UBR4: variants seen among roughly 807,000 people sequenced by gnomAD.
UBR4 encodes ubiquitin protein ligase E3 component n-recognin 4, also known as E3 ubiquitin-protein ligase UBR4.
In UBR4, 124 loss-of-function variants were observed where a neutral mutation model predicts 575.6. The observed-to-expected ratio is 0.22, with a 90% CI of 0.19 to 0.25. UBR4 has a LOEUF of 0.25. UBR4 is among the 10% of genes least tolerant of loss of function. UBR4 has a pLI of 1.00. For missense variants in UBR4, 4,818 were observed against 6,478.8 expected, an observed-to-expected ratio of 0.74 and a Z score of 8.80; for synonymous variants, 2,455 against 2,473.7, an observed-to-expected ratio of 0.99 and a Z score of 0.22.
At chr1:19,190,312 A>AAAAAAATATATATATATATATAT in intron 11 of UBR4, among the ~76,000 whole-genome samples, 12 of 79,908 alleles carry the variant, frequency 1.5e-4, no homozygotes, top group African/African-American at 5.9e-4. Context: ...AAAAAAAAAA[A>AAAAAAATATATATATATATATAT]ATATATATAT....
intron 13 of UBR4, 35 bp from the exon 14 acceptor site, chr1:19,186,692 C>T (rs1479751188): frequency 6.3e-7 from 1 of 1,596,484 alleles, no homozygotes; most frequent in Non-Finnish European, 8.6e-7. Flanking sequence ...CGGAGCCATC[C>T]TATTTAATCT....
At chr1:19,165,563 G>T in intron 30 of UBR4, 93 bp downstream of exon 30, 1 of 1,347,982 alleles carries the variant, frequency 7.4e-7, no homozygotes, top group Non-Finnish European at 1.0e-6. Context: ...CTTAAATATT[G>T]CTGATAATAA....
intron 103 of UBR4, chr1:19,078,338 G>A (rs1274864968): frequency 1.4e-5 from 5 of 361,344 alleles, no homozygotes; most frequent in African/African-American, 8.3e-5. Flanking sequence ...GGAACCGGGG[G>A]AGACATCGCC....
chr1:19,181,866 T>A (rs529391267), intron 17 of UBR4, among the ~76,000 whole-genome samples: 2 of 152,324 alleles, frequency 1.3e-5, no homozygotes, highest in Middle Eastern at 6.8e-3. Context: ...ATTAAGCACA[T>A]ACACATTATT....
rs1456092590 is a variant in UBR4, at chr1:19,173,537, G to A, written c.3067C>T (p.Leu1023=). ...CTCATCTCAGGTGAGTTCATGGATA[G>A]CTGGTTAATGTAAGTCTTTGATGGT... ...LPPSKTYINQ[L]SMNSPEMSEC... is the part of the protein sequence containing the mutation. The change falls in exon 23 of 106, where the codon CTA becomes TTA. Residue 1023 remains leucine, a synonymous_variant. Transcript: ENST00000375254. The A allele has an allele frequency of 1.2e-6, 2 of 1,614,144 alleles. No homozygotes were observed.
chr1:19,092,288 A>G (rs1410824268), intron 97 of UBR4, among the ~76,000 whole-genome samples: 2 of 152,106 alleles, frequency 1.3e-5, no homozygotes, highest in Non-Finnish European at 2.9e-5. Context: ...ATTGTTTCTT[A>G]ACAACTGCAT....
Position 19,153,224 on chromosome 1 carries a change from C to A in UBR4, c.6832+77G>T. 3 of 1,458,628 alleles carry A rather than the reference C, an allele frequency of 2.1e-6. No homozygotes were observed. Among genetic ancestry groups the A allele is most frequent in the Non-Finnish European group, 1.9e-6 (2 of 1,049,548 alleles). The allele number at this position is 1,458,628 out of a possible 1,614,324, so 90.4% of individuals were successfully genotyped here. On this transcript the variant is annotated intron_variant, in intron 46 of 105. Transcript: ENST00000375254. This position sits in a 1 kb window ranked among gnomAD's most constrained non-coding sequence, Gnocchi z 4.1. ...AGTCACATTTCTTCACAGATATTTT[C>A]AACAGTCTATTCTGAGTCACTGTCT...
intron 52 of UBR4, among the ~76,000 whole-genome samples, chr1:19,146,625 A>G (rs560700081): frequency 6.6e-6 from 1 of 152,388 alleles, no homozygotes; most frequent in Non-Finnish European, 1.5e-5. Flanking sequence ...GATAATCGAA[A>G]GTATAAGCAC....
chr1:19,187,509 A>G lies in UBR4; in HGVS notation c.1426T>C (p.Leu476=), dbSNP rs780386240. 1.1e-5 allele frequency: 17 copies of G among 1,613,738 alleles called. No homozygotes were observed. Among genetic ancestry groups the G allele is most frequent in the Admixed American group, 3.3e-5 (2 of 60,004 alleles). Residue 476 remains leucine, a synonymous_variant, in exon 12 of 106, where the codon TTG becomes CTG. Coordinates refer to ENST00000375254, the MANE Select transcript of UBR4 (RefSeq NM_020765.3). ...AGCAGTTTGATGGCATGGTTTGCCA[A>G]TATTACTGAGAGTACCCCAAATCCC... The part of the protein sequence containing the change: ...HQGFGVLSVI[L]ANHAIKLLTS...
At position 19,152,264 on chromosome 1, in the gene UBR4, T is replaced by C; in HGVS notation, c.6996+49A>G. On this transcript the variant is annotated intron_variant, in intron 47 of 105. Coordinates refer to ENST00000375254, the MANE Select transcript of UBR4 (RefSeq NM_020765.3). The surrounding 1 kb of genome is among the most constrained non-coding windows in gnomAD (Gnocchi z 4.4). Reference sequence around the variant, plus strand: ...GGAGATGTGTTCTCAAACCATATTGTTTGAGTCCTTCTACCCAGGGATTGA... The same window carrying C: ...GGAGATGTGTTCTCAAACCATATTGCTTGAGTCCTTCTACCCAGGGATTGA... 1 of 1,606,554 alleles carries C rather than the reference T, an allele frequency of 6.2e-7. No homozygotes were observed. The highest frequency in any genetic ancestry group is 8.5e-7 in the Non-Finnish European group (1 of 1,174,288).
rs1016288687 is a variant in UBR4, at chr1:19,163,898, T to C, written c.4701-71A>G. The C allele has an allele frequency of 5.9e-5, 88 of 1,497,024 alleles. No individual in the cohort carries two copies. In the Admixed American group the frequency reaches 1.5e-3, roughly 25 times the overall value. The allele number at this position is 1,497,024 out of a possible 1,614,324, so 92.7% of individuals were successfully genotyped here. A position where few individuals can be genotyped will look rare whatever the true frequency, so the allele number is the denominator to read the frequency against. On this transcript the variant is annotated intron_variant, in intron 33 of 105. Transcript: ENST00000375254. The stretch of plus-strand genomic sequence containing the variant: ...TCGAAGAAACCAACGAAATGAGGCA[T>C]CTTCATTAACTTTGAATCAATCTGA...
In UBR4 at chr1:19,074,546, A is replaced by C. The variant is rs2075742526; in HGVS notation, c.*286T>G. On this transcript the variant is annotated 3_prime_UTR_variant, in exon 106 of 106. Coordinates refer to ENST00000375254, the MANE Select transcript of UBR4 (RefSeq NM_020765.3). ...TGTTAAGTCACTTGTTTATTTCTCA[A>C]GATGTGCACACTCAAGTATGAAGCT... 2.1e-6 allele frequency: 1 copy of C among 467,302 alleles called. No individual in the cohort carries two copies. Among genetic ancestry groups the C allele is most frequent in the African/African-American group, 1.9e-5 (1 of 51,392 alleles). The allele number at this position is 467,302 out of a possible 1,614,324, so 28.9% of individuals were successfully genotyped here.
chr1:19,103,462 G>A (rs2078865587), intron 87 of UBR4, among the ~76,000 whole-genome samples: 1 of 152,170 alleles, frequency 6.6e-6, no homozygotes, highest in Admixed American at 6.5e-5. Flanking sequence ...TACTCAGTAA[G>A]GCTGAGGCAG....
intron 9 of UBR4, 75 bp downstream of exon 9, chr1:19,193,358 T>C (rs1170714579): frequency 3.2e-6 from 5 of 1,563,738 alleles, no homozygotes; most frequent in Non-Finnish European, 4.3e-6. Context: ...TCTTCTATCA[T>C]GGAAGAAAGT....
chr1:19,123,539 T>C (rs923786510), intron 65 of UBR4, among the ~76,000 whole-genome samples: 1 of 150,296 alleles, frequency 6.7e-6, no homozygotes, highest in African/African-American at 2.5e-5. Flanking sequence ...AACTTAAATA[T>C]CCTTTAATGA....
In UBR4 at chr1:19,177,517, T is replaced by A; in HGVS notation, c.2581A>T (p.Ile861Phe). Residue 861 changes from isoleucine to phenylalanine, a missense_variant, in exon 19 of 106, where the codon ATC becomes TTC. Physicochemically the swap from Ile to Phe is conservative, Grantham distance 21. Around this residue, in one of 29 missense-constraint regions of UBR4, gnomAD observed 1,172 missense variants for 1,259.7 expected, o/e 0.93. Coordinates refer to ENST00000375254, the MANE Select transcript of UBR4 (RefSeq NM_020765.3). ...VPLILARLLL[I>F]FDYLLHQYSK... ...TACTGATGAAGCAGATAATCAAAGA[T>A]GAGAAGGAGGCGAGCCAAGATAAGC... 1.2e-6 allele frequency: 2 copies of A among 1,613,942 alleles called. No individual in the cohort carries two copies. Among genetic ancestry groups the A allele is most frequent in the Non-Finnish European group, 1.7e-6 (2 of 1,180,012 alleles).
chr1:19,147,019 A>C lies in UBR4; in HGVS notation c.7630-19T>G, dbSNP rs1358909147. On this transcript the variant is annotated intron_variant, in intron 51 of 105. Coordinates refer to ENST00000375254, the MANE Select transcript of UBR4 (RefSeq NM_020765.3). ...CCTGATCCTGTAAAACAACAGGAGC[A>C]CAGAGGGTCAGCCATAAGCAAGAGC... 1.3e-6 allele frequency: 2 copies of C among 1,574,156 alleles called. No individual in the cohort carries two copies. Among genetic ancestry groups the C allele is most frequent in the Non-Finnish European group, 1.7e-6 (2 of 1,155,134 alleles).
chr1:19,107,054 G>T lies in UBR4; in HGVS notation c.12106-88C>A, dbSNP rs2079290991. 7 of 1,549,910 alleles carry T rather than the reference G, an allele frequency of 4.5e-6. No homozygotes were observed. In the South Asian group the frequency reaches 7.0e-5, roughly 16 times the overall value. Reference sequence around the variant, plus strand: ...CAGCATGGCACTGGTGCCCCAGGGGGTGATGTGCAAAGGCAAGAAGATCAG... The same window carrying T: ...CAGCATGGCACTGGTGCCCCAGGGGTTGATGTGCAAAGGCAAGAAGATCAG... On this transcript the variant is annotated intron_variant, in intron 81 of 105. Transcript: ENST00000375254.
Position 19,156,880 on chromosome 1 carries a change from T to C in UBR4, c.5806A>G (p.Ser1936Gly). 6.2e-7 allele frequency: 1 copy of C among 1,614,170 alleles called. No individual in the cohort carries two copies. The highest frequency in any genetic ancestry group is 8.5e-7 in the Non-Finnish European group (1 of 1,180,002). ...LSALLKQADSSKRKLTLTRLA... is the reference protein window; with the variant it reads ...LSALLKQADSGKRKLTLTRLA... ...CGGGTCAGAGTTAACTTCCTTTTGCTGGAATCTGCTTGCTTCAGGAGTGCA... is the reference window on the plus strand; with the variant it reads ...CGGGTCAGAGTTAACTTCCTTTTGCCGGAATCTGCTTGCTTCAGGAGTGCA... The change falls in exon 41 of 106, where the codon AGC becomes GGC. Residue 1936 changes from serine (S) to glycine (G), a missense_variant. Physicochemically the swap from Ser to Gly is moderately conservative, Grantham distance 56. This residue lies in a region of UBR4 where 461 missense variants were observed against 606.9 expected (regional missense o/e 0.76). Transcript: ENST00000375254.
Sources: allele counts gnomAD v4.1 joint callset (sites outside exome capture counted in the v4.1 genomes callset), GRCh38; gene constraint gnomAD v4.1.1; regional missense constraint gnomAD v4.1.1; non-coding constraint Gnocchi (gnomAD v3.1); transcripts MANE v1.5; gene names NCBI Gene and HGNC (gene_info 2026-07-23, HGNC 2026-07-21).